The following KCTD16 variants were observed in gnomAD, a reference collection of about 807,000 sequenced individuals.
KCTD16 encodes potassium channel tetramerization domain containing 16.
KCTD16 carries 13 observed loss-of-function variants against 33.2 expected under a neutral mutation model. The observed-to-expected ratio is 0.39, with a 90% CI of 0.25 to 0.62. KCTD16 has a LOEUF of 0.62. KCTD16 is among the 20% of genes least tolerant of loss of function. KCTD16 has a pLI of 0.50. For missense variants in KCTD16, 441 were observed against 525.1 expected, an observed-to-expected ratio of 0.84 and a Z score of 1.57; for synonymous variants, 197 against 195.3, an observed-to-expected ratio of 1.01 and a Z score of -0.07.
chr5:144,433,410 A>C (rs988048139), intron 3 of KCTD16, among the ~76,000 whole-genome samples: 17 of 152,140 alleles, frequency 1.1e-4, no homozygotes, highest in African/African-American at 3.1e-4. Context: ...TTGCTACATG[A>C]ATCCATGGTA....
chr5:144,216,604 G>T (rs947868104), intron 3 of KCTD16, among the ~76,000 whole-genome samples: 1 of 152,118 alleles, frequency 6.6e-6, no homozygotes, highest in African/African-American at 2.4e-5. Context: ...AGCACTTTGG[G>T]GGACTGAGGT....
intron 3 of KCTD16, among the ~76,000 whole-genome samples, chr5:144,373,305 C>T (rs1156733531): frequency 1.3e-5 from 2 of 152,090 alleles, no homozygotes; most frequent in Non-Finnish European, 2.9e-5. Context: ...AATGAAGGAC[C>T]CTGCTATGAG....
chr5:144,475,937 A>G lies in KCTD16; in HGVS notation c.*1823A>G, dbSNP rs1269118732. 6.6e-6 allele frequency: 1 copy of G among 152,258 alleles called. No individual in the cohort carries two copies. The highest frequency in any genetic ancestry group is 1.5e-5 in the Non-Finnish European group (1 of 68,048). 9.4% of individuals were successfully genotyped at this position (152,258 alleles called of 1,614,324 possible). ...GTTTGAATGGAGTTGAAAGTTTTACATAAGTGAAAAAGAAAGTTTATCTTG... is the reference window on the plus strand; with the variant it reads ...GTTTGAATGGAGTTGAAAGTTTTACGTAAGTGAAAAAGAAAGTTTATCTTG... On this transcript the variant is annotated 3_prime_UTR_variant, in exon 4 of 4. Transcript: ENST00000512467.
At chr5:144,392,199 G>A (rs919380) in intron 3 of KCTD16, among the ~76,000 whole-genome samples, 3 of 151,950 alleles carry the variant, frequency 2.0e-5, no homozygotes, top group African/African-American at 7.3e-5. Context: ...GCAAGCCAGG[G>A]CAGGAATCAG....
At chr5:144,244,685 T>C (rs1480774320) in intron 3 of KCTD16, among the ~76,000 whole-genome samples, 1 of 152,214 alleles carries the variant, frequency 6.6e-6, no homozygotes, top group Non-Finnish European at 1.5e-5. Flanking sequence ...TTTAGATATC[T>C]TTCCCAATGT....
intron 3 of KCTD16, chr5:144,384,297 A>C (rs998452061): frequency 2.6e-5 from 4 of 152,150 alleles, no homozygotes; most frequent in Non-Finnish European, 4.4e-5. Context: ...TATAGCTTTG[A>C]AAAGCTGGTA....
chr5:144,396,675 A>G (rs1561592259), intron 3 of KCTD16, among the ~76,000 whole-genome samples: 1 of 152,150 alleles, frequency 6.6e-6, no homozygotes, highest in Non-Finnish European at 1.5e-5. Context: ...TCAAGTCCAC[A>G]TCAGGCCTCT....
At chr5:144,344,713 T>C (rs78698454) in intron 3 of KCTD16, among the ~76,000 whole-genome samples, 143,551 of 147,036 alleles carry the variant, frequency 0.98, 70,085 homozygotes, top group South Asian at 1. Context: ...CAACAGGTGC[T>C]GGAGAGGATG....
chr5:144,200,421 C>T (rs1483851017), intron 2 of KCTD16, among the ~76,000 whole-genome samples: 2 of 152,168 alleles, frequency 1.3e-5, no homozygotes, highest in African/African-American at 4.8e-5. Context: ...TTAGATTATA[C>T]AAGTCTAATC....
chr5:144,268,161 C>T (rs1755196033), intron 3 of KCTD16, among the ~76,000 whole-genome samples: 1 of 152,150 alleles, frequency 6.6e-6, no homozygotes, highest in Non-Finnish European at 1.5e-5. Flanking sequence ...TGGCAGGCAG[C>T]TGTGCAGGTG....
intron 3 of KCTD16, among the ~76,000 whole-genome samples, chr5:144,412,657 G>A (rs1752957845): frequency 6.6e-6 from 1 of 152,104 alleles, no homozygotes; most frequent in African/African-American, 2.4e-5. Context: ...AGGCTGAGGT[G>A]GGCAGATCAC....
intron 3 of KCTD16, among the ~76,000 whole-genome samples, chr5:144,335,189 C>G (rs1023024060): frequency 1.3e-5 from 2 of 152,198 alleles, no homozygotes; most frequent in South Asian, 2.1e-4. Flanking sequence ...AATTAACTCC[C>G]ATGACATAGC....
In KCTD16 at chr5:144,405,865, T is replaced by A. The variant is rs910028904; in HGVS notation, c.833-67795T>A. ...CTCTCTGGGCAGGCTGTGAGTTTTA[T>A]CTTTCCCAAGTAGCTATTTTAAAAC... On this transcript the variant is annotated intron_variant, in intron 3 of 3. Coordinates refer to ENST00000512467, the MANE Select transcript of KCTD16 (RefSeq NM_020768.4). Among the ~76,000 whole-genome samples the A allele has an allele frequency of 2.0e-5, 3 of 152,336 alleles. No homozygotes were observed. The East Asian group carries it at 5.8e-4, about 29-fold the overall frequency.
chr5:144,230,535 T>C (rs1754071518), intron 3 of KCTD16, among the ~76,000 whole-genome samples: 1 of 152,154 alleles, frequency 6.6e-6, no homozygotes, highest in Admixed American at 6.5e-5. Flanking sequence ...TAAAAATGTA[T>C]AAAATGTGGG....
intron 3 of KCTD16, among the ~76,000 whole-genome samples, chr5:144,224,750 A>C (rs940915779): frequency 2.8e-4 from 42 of 152,164 alleles, no homozygotes; most frequent in African/African-American, 9.4e-4. Flanking sequence ...CAGGTATGCT[A>C]TGGTATATAT....
chr5:144,192,133 G>A (rs996647644), intron 2 of KCTD16, among the ~76,000 whole-genome samples: 7 of 152,070 alleles, frequency 4.6e-5, no homozygotes, highest in African/African-American at 1.7e-4. Context: ...ATTGAAATTG[G>A]GACTCAGTTG....
chr5:144,459,259 A>G (rs1754140160), intron 3 of KCTD16, among the ~76,000 whole-genome samples: 1 of 152,208 alleles, frequency 6.6e-6, no homozygotes, highest in Non-Finnish European at 1.5e-5. Flanking sequence ...CCTCACTCCT[A>G]GAAGTCACTA....
intron 3 of KCTD16, among the ~76,000 whole-genome samples, chr5:144,347,054 A>G (rs1752822114): frequency 6.6e-6 from 1 of 152,068 alleles, no homozygotes; most frequent in Admixed American, 6.6e-5. Flanking sequence ...ATAGGGGTCT[A>G]GTGTTATTCT....
chr5:144,394,436 A>G (rs565584267), intron 3 of KCTD16, among the ~76,000 whole-genome samples: 1 of 152,292 alleles, frequency 6.6e-6, no homozygotes, highest in South Asian at 2.1e-4. Context: ...TGGCAACACA[A>G]ATGAATCATT....
Sources: gnomAD v4.1 joint callset for allele counts (sites outside exome capture counted in the v4.1 genomes callset) on GRCh38, gnomAD v4.1.1 for gene constraint, MANE v1.5 for transcripts, NCBI Gene and HGNC (gene_info 2026-07-23, HGNC 2026-07-21) for gene names.